The following CYTH3 variants were observed in gnomAD, a reference collection of about 807,000 sequenced individuals.
The protein encoded by CYTH3 is cytohesin-3.
Under a neutral mutation model 55.1 loss-of-function variants are expected in CYTH3, and 23 were observed. The ratio of observed to expected loss-of-function variants is 0.42; its 90% CI spans 0.30 to 0.59. The LOEUF (loss-of-function observed/expected upper bound fraction) is 0.59. CYTH3 is among the 20% of genes least tolerant of loss of function. The probability of loss-of-function intolerance (pLI) is 0.20; values close to 1 mark genes in which losing one functional copy is unlikely to be tolerated. For synonymous variants in CYTH3, 249 were observed against 194.9 expected, an observed-to-expected ratio of 1.28 and a Z score of -2.31; for missense variants, 413 against 524.8, an observed-to-expected ratio of 0.79 and a Z score of 2.08.
At chr7:6,193,377 CAA>C (rs759990952) in intron 1 of CYTH3, among the ~76,000 whole-genome samples, 18 of 63,138 alleles carry the variant, frequency 2.9e-4, no homozygotes, top group Admixed American at 9.1e-4. Context: ...ACTCCCGTCT[CAA>C]AAAAAAAAAA....
rs558095653 is a variant in CYTH3, at chr7:6,235,034, C to A, written c.34+37440G>T. On this transcript the variant is annotated intron_variant, in intron 1 of 12. Transcript: ENST00000350796. ...TTCCCAATTTCATATCCCACCAAAA[C>A]CTTACTCACACCCACCACTCACTCC... is the stretch of plus-strand genomic sequence containing the variant. Among the ~76,000 whole-genome samples, 12 of 152,240 alleles carry A rather than the reference C, an allele frequency of 7.9e-5. No individual in the cohort carries two copies. The East Asian group carries it at 2.3e-3, about 29-fold the overall frequency.
intron 4 of CYTH3, among the ~76,000 whole-genome samples, chr7:6,179,906 CCACA>C (rs1294296834): frequency 3.5e-5 from 5 of 143,202 alleles, no homozygotes; most frequent in Non-Finnish European, 6.1e-5. Context: ...CCACACACAA[CCACA>C]CACACACAAA....
chr7:6,204,069 A>G (rs1349405425), intron 1 of CYTH3, among the ~76,000 whole-genome samples: 2 of 152,050 alleles, frequency 1.3e-5, no homozygotes, highest in Non-Finnish European at 2.9e-5. Flanking sequence ...AAAGAAACCA[A>G]TATTAAGTTG....
At chr7:6,226,084 T>C (rs2128552633) in intron 1 of CYTH3, among the ~76,000 whole-genome samples, 2 of 152,276 alleles carry the variant, frequency 1.3e-5, no homozygotes, top group South Asian at 4.1e-4. Flanking sequence ...CATAAACCCA[T>C]GTCCCTAGCT....
At chr7:6,181,960 G>A (rs1037501650) in intron 4 of CYTH3, among the ~76,000 whole-genome samples, 9 of 151,980 alleles carry the variant, frequency 5.9e-5, no homozygotes, top group Non-Finnish European at 8.8e-5. Context: ...ACATCCTATC[G>A]TATCTCTTTG....
chr7:6,272,133 G>A (rs956804218), intron 1 of CYTH3, among the ~76,000 whole-genome samples: 9 of 152,180 alleles, frequency 5.9e-5, no homozygotes, highest in African/African-American at 1.7e-4. Flanking sequence ...TTGGCGACAA[G>A]ATGCGGGGAA....
chr7:6,187,036 G>A lies in CYTH3; in HGVS notation c.249+14C>T. 1.2e-6 allele frequency: 2 copies of A among 1,612,046 alleles called. No individual in the cohort carries two copies. Among genetic ancestry groups the A allele is most frequent in the Non-Finnish European group, 1.7e-6 (2 of 1,178,036 alleles). On this transcript the variant is annotated intron_variant, in intron 4 of 12. Coordinates refer to ENST00000350796, the MANE Select transcript of CYTH3 (RefSeq NM_004227.4). ...CATCTCCTGCAGGCCAGAAAAGGGA[G>A]AGCATTCTCTTACCTTTTTGGGATC...
intron 1 of CYTH3, among the ~76,000 whole-genome samples, chr7:6,197,921 G>C (rs1490790624): frequency 1.3e-5 from 2 of 151,552 alleles, no homozygotes; most frequent in African/African-American, 4.9e-5. Flanking sequence ...AAGAAACTCT[G>C]TCTCTACAAA....
chr7:6,166,152 C>A (rs1007422316), intron 9 of CYTH3, among the ~76,000 whole-genome samples: 5 of 152,212 alleles, frequency 3.3e-5, no homozygotes, highest in Admixed American at 3.3e-4. Context: ...CAGGACCTGA[C>A]CCCACCATGT....
At chr7:6,236,896 A>G (rs937987175) in intron 1 of CYTH3, among the ~76,000 whole-genome samples, 1 of 152,194 alleles carries the variant, frequency 6.6e-6, no homozygotes, top group East Asian at 1.9e-4. Flanking sequence ...TACCTGTTAC[A>G]TATGAAGTAG....
intron 1 of CYTH3, among the ~76,000 whole-genome samples, chr7:6,225,039 G>C (rs1047867084): frequency 2.0e-5 from 3 of 152,208 alleles, no homozygotes; most frequent in African/African-American, 7.2e-5. Context: ...GCTGGCGCTG[G>C]GGTAAGGACT....
intron 1 of CYTH3, among the ~76,000 whole-genome samples, chr7:6,195,436 T>A (rs950380366): frequency 6.6e-6 from 1 of 152,172 alleles, no homozygotes; most frequent in African/African-American, 2.4e-5. Context: ...GTCGATAAAT[T>A]CCACACTGTG....
intron 4 of CYTH3, among the ~76,000 whole-genome samples, chr7:6,183,424 A>G (rs1050763637): frequency 2.0e-5 from 3 of 152,234 alleles, no homozygotes; most frequent in African/African-American, 7.2e-5. Flanking sequence ...GAAATCAGGA[A>G]TAAAGGAGAG....
chr7:6,243,819 G>A (rs772552387), intron 1 of CYTH3, among the ~76,000 whole-genome samples: 1 of 152,180 alleles, frequency 6.6e-6, no homozygotes, highest in Non-Finnish European at 1.5e-5. Flanking sequence ...TAATGGAGAA[G>A]AAATGAGGTT....
At chr7:6,174,586 T>C (rs1232781153) in intron 5 of CYTH3, among the ~76,000 whole-genome samples, 1 of 139,946 alleles carries the variant, frequency 7.1e-6, no homozygotes, top group Non-Finnish European at 1.5e-5. Flanking sequence ...CTCGCTCTGC[T>C]GCCCAGGCTG....
chr7:6,193,862 C>T (rs1783859250), intron 1 of CYTH3, among the ~76,000 whole-genome samples: 1 of 152,298 alleles, frequency 6.6e-6, no homozygotes, highest in East Asian at 1.9e-4. Context: ...CAAACATACT[C>T]ATCACCAAGC....
intron 5 of CYTH3, among the ~76,000 whole-genome samples, chr7:6,175,170 T>A (rs1269055730): frequency 6.6e-6 from 1 of 152,190 alleles, no homozygotes; most frequent in African/African-American, 2.4e-5. Flanking sequence ...GGGCTCACTA[T>A]GTTACCCAGG....
intron 1 of CYTH3, among the ~76,000 whole-genome samples, chr7:6,199,455 C>A (rs1484948315): frequency 6.6e-6 from 1 of 152,066 alleles, no homozygotes; most frequent in Non-Finnish European, 1.5e-5. Flanking sequence ...TGAGGCTGGC[C>A]TGGGCAACAT....
At chr7:6,258,137 TG>T (rs1780177389) in intron 1 of CYTH3, among the ~76,000 whole-genome samples, 1 of 152,006 alleles carries the variant, frequency 6.6e-6, no homozygotes, top group African/African-American at 2.4e-5. Flanking sequence ...TTCTTTGGTT[TG>T]CTTTTTCTTT....
Sources: allele counts gnomAD v4.1 joint callset (sites outside exome capture counted in the v4.1 genomes callset), GRCh38; gene constraint gnomAD v4.1.1; transcripts MANE v1.5; gene names NCBI Gene and HGNC (gene_info 2026-07-23, HGNC 2026-07-21).